The following PPFIA2 variants were observed in gnomAD, a reference collection of about 807,000 sequenced individuals.
PPFIA2 encodes the protein liprin-alpha-2.
A neutral mutation model predicts 175.5 loss-of-function variants in PPFIA2; 46 were observed. The ratio of observed to expected loss-of-function variants is 0.26; its 90% CI spans 0.21 to 0.34. The LOEUF (loss-of-function observed/expected upper bound fraction) is 0.34, where lower values mean the gene tolerates loss of function less well. PPFIA2 is among the 10% of genes least tolerant of loss of function. PPFIA2 has a pLI of 1.00. For missense variants in PPFIA2, 1,179 were observed against 1,506.1 expected, an observed-to-expected ratio of 0.78 and a Z score of 3.60; for synonymous variants, 568 against 511.4, an observed-to-expected ratio of 1.11 and a Z score of -1.49.
intron 13 of PPFIA2, 59 bp from the exon 14 acceptor site, chr12:81,367,229 A>G (rs933741098): frequency 5.7e-6 from 6 of 1,050,478 alleles, no homozygotes; most frequent in African/African-American, 5.0e-5. Flanking sequence ...ACTTAAAAAT[A>G]TATTGATTAA....
chr12:81,621,598 G>C (rs1184968139), intron 4 of PPFIA2, among the ~76,000 whole-genome samples: 1 of 152,174 alleles, frequency 6.6e-6, no homozygotes, highest in Non-Finnish European at 1.5e-5. Flanking sequence ...GTTTATACAG[G>C]GTGGCAGTGG....
intron 3 of PPFIA2, among the ~76,000 whole-genome samples, chr12:81,681,084 C>T (rs1471853584): frequency 6.6e-6 from 1 of 151,974 alleles, no homozygotes; most frequent in Non-Finnish European, 1.5e-5. Context: ...GATTCATCGT[C>T]TCCTTATCAC....
intron 8 of PPFIA2, among the ~76,000 whole-genome samples, chr12:81,387,164 G>T (rs968088869): frequency 6.6e-6 from 1 of 150,956 alleles, no homozygotes; most frequent in East Asian, 1.9e-4. Context: ...GCTCTTTCTC[G>T]GGGAAAAAAA....
At chr12:81,753,527 A>T (rs1475799163) in intron 3 of PPFIA2, among the ~76,000 whole-genome samples, 4 of 141,888 alleles carry the variant, frequency 2.8e-5, no homozygotes, top group African/African-American at 2.7e-5. Context: ...TTAGGCATTT[A>T]AAAAAAAAAA....
At chr12:81,746,082 T>G (rs908989464) in intron 3 of PPFIA2, among the ~76,000 whole-genome samples, 6 of 144,850 alleles carry the variant, frequency 4.1e-5, no homozygotes, top group African/African-American at 1.5e-4. Flanking sequence ...TAAAGTCTTG[T>G]GCCTCACTTA....
chr12:81,374,407 T>G (rs972431237), intron 11 of PPFIA2, among the ~76,000 whole-genome samples: 10 of 152,138 alleles, frequency 6.6e-5, no homozygotes, highest in Admixed American at 6.6e-4. Flanking sequence ...ATTTTACTTG[T>G]TTTGTTAATG....
intron 4 of PPFIA2, among the ~76,000 whole-genome samples, chr12:81,674,789 C>T (rs1458317187): frequency 6.6e-6 from 1 of 151,974 alleles, no homozygotes; most frequent in Non-Finnish European, 1.5e-5. Context: ...ACAATAGCTT[C>T]ATTCATTGCT....
At position 81,623,205 on chromosome 12, in the gene PPFIA2, G is replaced by A. The variant is rs186851518; in HGVS notation, c.303+53586C>T. ...GCCTTCCAGATAGCATTAAATAGAA[G>A]TGTGACTAGGAAAATAATCTTGTAC... On this transcript the variant is annotated intron_variant, in intron 4 of 32. Transcript: ENST00000549396. Among the ~76,000 whole-genome samples the A allele has an allele frequency of 2.6e-5, 4 of 152,178 alleles. No homozygotes were observed. In the East Asian group the frequency reaches 7.7e-4, roughly 29 times the overall value.
At chr12:81,465,557 T>C (rs898705979) in intron 4 of PPFIA2, among the ~76,000 whole-genome samples, 25 of 152,282 alleles carry the variant, frequency 1.6e-4, no homozygotes, top group African/African-American at 5.5e-4. Context: ...AGTTTGGTGT[T>C]TCCTCCTTTG....
intron 3 of PPFIA2, among the ~76,000 whole-genome samples, chr12:81,735,848 C>T (rs1294646847): frequency 6.6e-6 from 1 of 151,792 alleles, no homozygotes; most frequent in Non-Finnish European, 1.5e-5. Flanking sequence ...CTATCTTCTC[C>T]ACATTGAATT....
In PPFIA2 at chr12:81,462,585, C is replaced by CATATATATAT. The variant is rs71098145; in HGVS notation, c.304-4729_304-4720dup. 2.6e-3 allele frequency among the ~76,000 whole-genome samples: 325 copies of CATATATATAT among 124,650 alleles called. 1 individual carries two copies. The highest frequency in any genetic ancestry group is 7.7e-3 in the African/African-American group (269 of 35,078). The allele number at this position is 124,650 out of a possible 152,430, so 81.8% of individuals were successfully genotyped here. A position where few individuals can be genotyped will look rare whatever the true frequency, so the allele number is the denominator to read the frequency against. On this transcript the variant is annotated intron_variant, in intron 4 of 32. Transcript: ENST00000549396. ...ATATATATGTGTATATATATATATACATATATATATATATATATATATAAT... is the reference window on the plus strand; with the variant it reads ...ATATATATGTGTATATATATATATACATATATATATATATATATATATATATATATATAAT...
chr12:81,510,016 C>T (rs1454793313), intron 4 of PPFIA2, among the ~76,000 whole-genome samples: 2 of 152,132 alleles, frequency 1.3e-5, no homozygotes, highest in East Asian at 1.9e-4. Flanking sequence ...GCTTAATTTC[C>T]TATGCTTCAC....
intron 8 of PPFIA2, among the ~76,000 whole-genome samples, chr12:81,392,647 A>G (rs772287449): frequency 2.0e-5 from 3 of 151,954 alleles, no homozygotes; most frequent in Non-Finnish European, 2.9e-5. Context: ...TAAAATTTTT[A>G]TCTCTATTAA....
chr12:81,368,115 T>C (rs1241847775), intron 13 of PPFIA2: 1 of 1,288,158 alleles, frequency 7.8e-7, no homozygotes, highest in South Asian at 1.2e-5. Flanking sequence ...TAATTTATGC[T>C]CTGGAATTGG....
At chr12:81,735,240 A>G (rs1447647623) in intron 3 of PPFIA2, among the ~76,000 whole-genome samples, 1 of 151,782 alleles carries the variant, frequency 6.6e-6, no homozygotes, top group Non-Finnish European at 1.5e-5. Flanking sequence ...GCAATGTATG[A>G]AAGTTCTTAA....
chr12:81,584,187 AAT>A (rs1168839610), intron 4 of PPFIA2, among the ~76,000 whole-genome samples: 3 of 151,702 alleles, frequency 2.0e-5, no homozygotes, highest in Non-Finnish European at 2.9e-5. Context: ...AAATATTTGA[AAT>A]ATATTGTTGT....
At chr12:81,484,790 C>A (rs1593759902) in intron 4 of PPFIA2, among the ~76,000 whole-genome samples, 1 of 151,608 alleles carries the variant, frequency 6.6e-6, no homozygotes, top group African/African-American at 2.4e-5. Flanking sequence ...TTTTAAATTC[C>A]CATATTTCTA....
chr12:81,630,899 A>ATATTT (rs1411924550), intron 4 of PPFIA2, among the ~76,000 whole-genome samples: 29 of 106,442 alleles, frequency 2.7e-4, no homozygotes, highest in African/African-American at 3.8e-4. Flanking sequence ...ATATATATAT[A>ATATTT]TTTTTTTTTT....
chr12:81,546,227 TAA>T (rs2066974501), intron 4 of PPFIA2: 5 of 151,282 alleles, frequency 3.3e-5, no homozygotes. Flanking sequence ...CCATACAACC[TAA>T]GTTATATTCC....
Sources: allele counts gnomAD v4.1 joint callset (sites outside exome capture counted in the v4.1 genomes callset), GRCh38; gene constraint gnomAD v4.1.1; transcripts MANE v1.5; gene names NCBI Gene and HGNC (gene_info 2026-07-23, HGNC 2026-07-21).